Variants in EVC2 observed in about 807,000 individuals in gnomAD.
EVC2 encodes limbin.
A neutral mutation model predicts 149.3 loss-of-function variants in EVC2; 148 were observed. The ratio of observed to expected loss-of-function variants is 0.99; its 90% CI spans 0.87 to 1.14. The LOEUF is 1.14. EVC2 is among the 50% of genes most tolerant of loss of function. EVC2 has a pLI of 0.00. For missense variants in EVC2, 1,854 were observed against 1,627.3 expected (o/e 1.14, Z -2.40); for synonymous variants, 776 against 649.9 (o/e 1.19, Z -2.95).
At chr4:5,562,219 T>G (rs996259483), downstream of EVC2, among the ~76,000 whole-genome samples, 1 of 152,184 alleles carries the variant, frequency 6.6e-6, no homozygotes, top group Admixed American at 6.5e-5. This position sits in a 1 kb window ranked among gnomAD's most constrained non-coding sequence, Gnocchi z 4.3. Context: ...AAAAATCACT[T>G]CAGTTTTCCA....
intron 10 of EVC2, among the ~76,000 whole-genome samples, chr4:5,635,417 G>A (rs560673450): frequency 6.6e-6 from 1 of 152,264 alleles, no homozygotes; most frequent in South Asian, 2.1e-4. Context: ...AGGGAGATAA[G>A]GCACATGCAT....
chr4:5,542,870 C>G (rs748327228), exon 23 of EVC2: 1 of 310,824 alleles, frequency 3.2e-6, no homozygotes, highest in Non-Finnish European at 6.3e-6. Flanking sequence ...ATAGGAACAA[C>G]AGCAGCTCTC....
In EVC2 at chr4:5,686,532, C is replaced by G. The variant is rs1003427469; in HGVS notation, c.707-1053G>C. 6.6e-6 allele frequency among the ~76,000 whole-genome samples: 1 copy of G among 152,096 alleles called. No homozygotes were observed. Among genetic ancestry groups the G allele is most frequent in the East Asian group, 1.9e-4 (1 of 5,192 alleles). On this transcript the variant is annotated intron_variant, in intron 5 of 21. Coordinates refer to ENST00000344408, the MANE Select transcript of EVC2 (RefSeq NM_147127.5). The surrounding 1 kb of genome is among the most constrained non-coding windows in gnomAD (Gnocchi z 5.4). ...CCCAGCTGATCTCCACACACTGCCCCGAGATGGATGGAGAACACGTGATTT... is the reference window on the plus strand; with the variant it reads ...CCCAGCTGATCTCCACACACTGCCCGGAGATGGATGGAGAACACGTGATTT...
chr4:5,543,873 G>A (rs1237455953), intron 21 of EVC2, among the ~76,000 whole-genome samples: 1 of 152,160 alleles, frequency 6.6e-6, no homozygotes, highest in Non-Finnish European at 1.5e-5. Context: ...CATTTCTTGT[G>A]CCCAGAAAGG....
rs180735298 is a variant in EVC2, at chr4:5,547,737, G to A, written c.3420-4525C>T. ...CGTGCTTCATTCTTCTTGGACGCAGGATAAGAACTTGGGACCTGCGGAAGG... is the reference window on the plus strand; with the variant it reads ...CGTGCTTCATTCTTCTTGGACGCAGAATAAGAACTTGGGACCTGCGGAAGG... On this transcript the variant is annotated intron_variant and NMD_transcript_variant, in intron 21 of 22. Coordinates refer to the EVC2 transcript ENST00000475313. Among the ~76,000 whole-genome samples, 81 of 152,258 alleles carry A rather than the reference G, an allele frequency of 5.3e-4. No individual in the cohort carries two copies. In the East Asian group the frequency reaches 0.014, roughly 26 times the overall value.
intron 16 of EVC2, among the ~76,000 whole-genome samples, chr4:5,600,577 T>C (rs1223854102): frequency 6.6e-6 from 1 of 152,126 alleles, no homozygotes; most frequent in Non-Finnish European, 1.5e-5. Context: ...AGTGATACAA[T>C]TTTGAAAGTT....
chr4:5,594,378 C>G (rs1164450911), intron 16 of EVC2, among the ~76,000 whole-genome samples: 2 of 152,158 alleles, frequency 1.3e-5, no homozygotes, highest in Admixed American at 1.3e-4. Flanking sequence ...GACAAAACTT[C>G]CAGAGGAACG....
chr4:5,629,225 C>T (rs534632581), intron 11 of EVC2, among the ~76,000 whole-genome samples: 11 of 152,328 alleles, frequency 7.2e-5, no homozygotes, highest in African/African-American at 2.2e-4. Flanking sequence ...AAAACGTAAC[C>T]AAACACAGGA....
chr4:5,659,814 G>A (rs1285492023), intron 9 of EVC2, among the ~76,000 whole-genome samples: 1 of 152,094 alleles, frequency 6.6e-6, no homozygotes, highest in Middle Eastern at 3.2e-3. Context: ...AAAAACAGGA[G>A]GATTAATACT....
intron 10 of EVC2, among the ~76,000 whole-genome samples, chr4:5,635,496 G>T (rs1176413695): frequency 6.6e-6 from 1 of 152,074 alleles, no homozygotes; most frequent in African/African-American, 2.4e-5. Context: ...GGAGTAGGGG[G>T]CATAAACCTT....
chr4:5,560,572 GT>G (rs1205547549), downstream of EVC2, among the ~76,000 whole-genome samples: 1 of 152,114 alleles, frequency 6.6e-6, no homozygotes, highest in Non-Finnish European at 1.5e-5. This position sits in a 1 kb window ranked among gnomAD's most constrained non-coding sequence, Gnocchi z 4.1. Context: ...CCACCACCTG[GT>G]CCTGCCCTTG....
Position 5,631,830 on chromosome 4 carries a change from G to T in EVC2, c.1673C>A (p.Ala558Glu). 4 of 1,614,164 alleles carry T rather than the reference G, an allele frequency of 2.5e-6. No homozygotes were observed. The highest frequency in any genetic ancestry group is 3.4e-6 in the Non-Finnish European group (4 of 1,179,970). The part of the protein sequence containing the change: ...AIFKGELKPE[A>E]AKMLLQNYSK... ...ATAATTTTGCAGCAGCATTTTAGCT[G>T]CCTCTGGTTTCAATTCCCCTTTGAA... Residue 558 changes from alanine (A) to glutamate (E), a missense_variant, in exon 11 of 22, where the codon GCA (alanine) becomes GAA (glutamate). Physicochemically the swap from Ala to Glu is moderately radical, Grantham distance 107. Transcript: ENST00000344408.
intron 9 of EVC2, among the ~76,000 whole-genome samples, chr4:5,661,450 C>A (rs1221238454): frequency 2.0e-5 from 3 of 152,102 alleles, no homozygotes; most frequent in African/African-American, 7.2e-5. Context: ...CAAAAATACA[C>A]AGAGATATGA....
intron 9 of EVC2, among the ~76,000 whole-genome samples, chr4:5,648,455 G>T (rs1717885976): frequency 6.6e-6 from 1 of 152,186 alleles, no homozygotes; most frequent in Non-Finnish European, 1.5e-5. Context: ...TGCTGTACCA[G>T]GTGCTTTACC....
intron 16 of EVC2, among the ~76,000 whole-genome samples, chr4:5,593,830 G>T (rs1288166941): frequency 1.3e-5 from 2 of 152,186 alleles, no homozygotes; most frequent in Non-Finnish European, 2.9e-5. Flanking sequence ...AGAAAGGGGT[G>T]ACAGATGGCA....
chr4:5,697,944 G>A (rs1721588824), intron 1 of EVC2, among the ~76,000 whole-genome samples: 1 of 151,868 alleles, frequency 6.6e-6, no homozygotes, highest in Non-Finnish European at 1.5e-5. Flanking sequence ...GTAGAGACGG[G>A]GTTTCACCAT....
chr4:5,708,304 C>A lies in EVC2; in HGVS notation c.210G>T (p.Gly70=). 1 of 1,468,236 alleles carries A rather than the reference C, an allele frequency of 6.8e-7. No homozygotes were observed. The highest frequency in any genetic ancestry group is 9.0e-7 in the Non-Finnish European group (1 of 1,114,314). The allele number at this position is 1,468,236 out of a possible 1,614,324, so 91.0% of individuals were successfully genotyped here. ...LRIPPGRSGA[G]PESSTQDLPC... Reference sequence around the variant, plus strand: ...TCCTTACCTGCGTGCTGCTCTCGGGCCCCGCCCCGCTCCGCCCCGGAGGGA... The same window carrying A: ...TCCTTACCTGCGTGCTGCTCTCGGGACCCGCCCCGCTCCGCCCCGGAGGGA... Residue 70 remains glycine, a synonymous_variant, in exon 1 of 22, where the codon GGG becomes GGT. Coordinates refer to ENST00000344408, the MANE Select transcript of EVC2 (RefSeq NM_147127.5).
intron 9 of EVC2, among the ~76,000 whole-genome samples, chr4:5,652,934 T>G (rs554590815): frequency 2.6e-4 from 39 of 152,322 alleles, no homozygotes; most frequent in African/African-American, 9.4e-4. Context: ...CAAACATTTA[T>G]TCCCTCACAG....
At chr4:5,651,735 G>A (rs999709837) in intron 9 of EVC2, among the ~76,000 whole-genome samples, 1 of 152,204 alleles carries the variant, frequency 6.6e-6, no homozygotes, top group Non-Finnish European at 1.5e-5. Context: ...CATCTTCTCT[G>A]CCAGGCATTC....
Sources: allele counts gnomAD v4.1 joint callset (sites outside exome capture counted in the v4.1 genomes callset), GRCh38; gene constraint gnomAD v4.1.1; non-coding constraint Gnocchi (gnomAD v3.1); transcripts MANE v1.5; gene names NCBI Gene and HGNC (gene_info 2026-07-23, HGNC 2026-07-21).